The following TMTC2 variants were observed in gnomAD, a reference collection of about 807,000 sequenced individuals.
TMTC2 encodes protein O-mannosyl-transferase TMTC2.
Under a neutral mutation model 82.4 loss-of-function variants are expected in TMTC2, and 43 were observed. The observed-to-expected ratio is 0.52, with a 90% CI of 0.41 to 0.67. The LOEUF is 0.67. TMTC2 is among the 30% of genes least tolerant of loss of function. The pLI, the probability that TMTC2 is intolerant of heterozygous loss-of-function variation, is 0.00. For synonymous variants in TMTC2, 408 were observed against 381.9 expected (o/e 1.07, Z -0.80); for missense variants, 919 against 1,012.4 (o/e 0.91, Z 1.25).
chr12:83,093,079 C>G (rs1172893116), intron 11 of TMTC2, among the ~76,000 whole-genome samples: 1 of 152,164 alleles, frequency 6.6e-6, no homozygotes, highest in Non-Finnish European at 1.5e-5. Context: ...ATGACCCATT[C>G]AGGACATTAC....
Position 83,117,078 on chromosome 12 carries a change from T to C in TMTC2, c.2332-15132T>C, listed in dbSNP as rs537327978. 1.1e-3 allele frequency among the ~76,000 whole-genome samples: 171 copies of C among 152,352 alleles called. 1 individual carries two copies. The highest frequency in any genetic ancestry group is 3.4e-3 in the Middle Eastern group (1 of 294). ...ACTTTCAGGTCTTAGGTTGAAGTCC[T>C]TATCCATGTTGAGTTGATTTTTGTG... On this transcript the variant is annotated intron_variant, in intron 11 of 11. Transcript: ENST00000321196.
intron 3 of TMTC2, among the ~76,000 whole-genome samples, chr12:82,909,859 T>C (rs1297303635): frequency 6.6e-6 from 1 of 151,834 alleles, no homozygotes; most frequent in Admixed American, 6.6e-5. Flanking sequence ...GAAGTTCTAT[T>C]TGAGAATAGA....
chr12:82,922,260 A>G (rs1425350379), intron 3 of TMTC2, among the ~76,000 whole-genome samples: 1 of 152,254 alleles, frequency 6.6e-6, no homozygotes, highest in African/African-American at 2.4e-5. Context: ...AAAAATGCAC[A>G]TTATATTAAA....
chr12:83,022,545 G>A (rs893234107), intron 8 of TMTC2, among the ~76,000 whole-genome samples: 1 of 152,030 alleles, frequency 6.6e-6, no homozygotes, highest in African/African-American at 2.4e-5. Flanking sequence ...CTATCACATA[G>A]CAGGAACTTA....
chr12:82,727,707 TGA>T (rs1245410051), intron 1 of TMTC2, among the ~76,000 whole-genome samples: 1 of 148,410 alleles, frequency 6.7e-6, no homozygotes, highest in African/African-American at 2.5e-5. Flanking sequence ...GGCAACAGAG[TGA>T]GAGTGTCTCA....
intron 1 of TMTC2, among the ~76,000 whole-genome samples, chr12:82,783,252 A>AT (rs976952345): frequency 2.5e-5 from 3 of 120,590 alleles, no homozygotes; most frequent in South Asian, 2.7e-4. Flanking sequence ...GGTTTAAATA[A>AT]TTTTTTTGTA....
intron 10 of TMTC2, among the ~76,000 whole-genome samples, chr12:83,054,032 T>A (rs1175869760): frequency 6.6e-6 from 1 of 152,082 alleles, no homozygotes; most frequent in Admixed American, 6.6e-5. Context: ...AATGAATGTA[T>A]GTGAATGTGA....
chr12:82,869,879 G>T (rs1246507375), intron 2 of TMTC2, among the ~76,000 whole-genome samples: 1 of 151,358 alleles, frequency 6.6e-6, no homozygotes, highest in African/African-American at 2.4e-5. Context: ...AAAAAAATAA[G>T]AAAAGAATTT....
intron 3 of TMTC2, among the ~76,000 whole-genome samples, chr12:82,897,451 A>G (rs1873740962): frequency 6.6e-6 from 1 of 152,236 alleles, no homozygotes. Context: ...GGACAATTAC[A>G]TAAAAATAGA....
chr12:82,715,192 C>T (rs1480041763), intron 1 of TMTC2, among the ~76,000 whole-genome samples: 1 of 151,664 alleles, frequency 6.6e-6, no homozygotes, highest in Non-Finnish European at 1.5e-5. Flanking sequence ...ATTGCTTGAA[C>T]CCGAGAGGTG....
chr12:82,923,773 A>G (rs2137232247), intron 3 of TMTC2, among the ~76,000 whole-genome samples: 1 of 152,304 alleles, frequency 6.6e-6, no homozygotes, highest in Middle Eastern at 3.4e-3. Context: ...GAATTCATAG[A>G]TTAATTTGGG....
intron 7 of TMTC2, among the ~76,000 whole-genome samples, chr12:82,981,976 ACT>A (rs1878937986): frequency 6.8e-6 from 1 of 146,944 alleles, no homozygotes; most frequent in Non-Finnish European, 1.5e-5. Flanking sequence ...GCCAGAGAAA[ACT>A]CTAATCTGAA....
chr12:82,978,403 C>T (rs1878773103), intron 7 of TMTC2, among the ~76,000 whole-genome samples: 1 of 151,510 alleles, frequency 6.6e-6, no homozygotes. Context: ...CTAAAACATA[C>T]AGCTATTAAT....
chr12:82,756,761 A>G (rs535120194), intron 1 of TMTC2, among the ~76,000 whole-genome samples: 2 of 152,234 alleles, frequency 1.3e-5, no homozygotes, highest in East Asian at 3.9e-4. Flanking sequence ...TTTGGAAGAC[A>G]TCCACCCTGT....
At chr12:82,890,471 GTTATGGTTTGCT>G (rs1464306747) in intron 2 of TMTC2, among the ~76,000 whole-genome samples, 1 of 152,094 alleles carries the variant, frequency 6.6e-6, no homozygotes, top group Admixed American at 6.5e-5. Context: ...TTTATGTTTT[GTTATGGTTTGCT>G]TGTTTACAGT....
intron 1 of TMTC2, among the ~76,000 whole-genome samples, chr12:82,800,476 C>T (rs531554742): frequency 5.6e-4 from 85 of 152,258 alleles, no homozygotes; most frequent in Non-Finnish European, 1.1e-3. Context: ...ACTGCTTTCT[C>T]CTCTTTCAAG....
At chr12:83,059,206 CTG>C (rs2137468978) in intron 10 of TMTC2, among the ~76,000 whole-genome samples, 2 of 151,914 alleles carry the variant, frequency 1.3e-5, no homozygotes, top group East Asian at 3.9e-4. Context: ...TGGCAGAATA[CTG>C]CTAAATTCTT....
intron 8 of TMTC2, among the ~76,000 whole-genome samples, chr12:83,019,317 T>C (rs1358539149): frequency 1.3e-5 from 2 of 152,186 alleles, no homozygotes; most frequent in Non-Finnish European, 2.9e-5. Flanking sequence ...GTAATTGTTC[T>C]ATCCATTTCC....
At chr12:82,785,825 A>C (rs1378015884) in intron 1 of TMTC2, among the ~76,000 whole-genome samples, 3 of 152,100 alleles carry the variant, frequency 2.0e-5, no homozygotes, top group Non-Finnish European at 4.4e-5. Context: ...TGTCCATTAA[A>C]AGATTTGGTT....
Sources: gnomAD v4.1 joint callset for allele counts (sites outside exome capture counted in the v4.1 genomes callset) on GRCh38, gnomAD v4.1.1 for gene constraint, MANE v1.5 for transcripts, NCBI Gene and HGNC (gene_info 2026-07-23, HGNC 2026-07-21) for gene names.